Variants in RAB27A observed in about 807,000 individuals in gnomAD.
The protein encoded by RAB27A is RAB27A, member RAS oncogene family, also known as ras-related protein Rab-27A.
RAB27A carries 17 observed loss-of-function variants against 20.8 expected under a neutral mutation model. That is an observed-to-expected ratio of 0.82 (90% CI 0.56 to 1.23). The LOEUF (loss-of-function observed/expected upper bound fraction) is 1.23, where lower values mean the gene tolerates loss of function less well. Among genes scored for constraint, RAB27A ranks in the 50% most tolerant of loss-of-function variants. The pLI is 0.00. For synonymous variants in RAB27A, 85 were observed against 92.8 expected (o/e 0.92, Z 0.48); for missense variants, 277 against 266.7 (o/e 1.04, Z -0.27).
chr15:55,267,714 G>A (rs1897551549), intron 2 of RAB27A, among the ~76,000 whole-genome samples: 1 of 152,196 alleles, frequency 6.6e-6, no homozygotes, highest in Non-Finnish European at 1.5e-5. Flanking sequence ...AAGATGAGCA[G>A]ATATCTCAAG....
At chr15:55,207,990 C>T (rs904818110) in intron 6 of RAB27A, among the ~76,000 whole-genome samples, 21 of 152,192 alleles carry the variant, frequency 1.4e-4, no homozygotes, top group African/African-American at 5.1e-4. Flanking sequence ...ACTTAAATAG[C>T]TACATGTGAC....
intron 2 of RAB27A, among the ~76,000 whole-genome samples, chr15:55,310,368 G>T (rs911960909): frequency 3.3e-5 from 5 of 152,288 alleles, no homozygotes; most frequent in Middle Eastern, 3.4e-3. Flanking sequence ...GCATGGGCTG[G>T]CACTTGCCCC....
chr15:55,216,317 G>A (rs1895301385), intron 6 of RAB27A, among the ~76,000 whole-genome samples: 1 of 152,132 alleles, frequency 6.6e-6, no homozygotes, highest in Admixed American at 6.5e-5. Context: ...GGTCGGAGTT[G>A]AGGTCAGGAG....
At chr15:55,215,624 C>T in intron 6 of RAB27A, among the ~76,000 whole-genome samples, 1 of 121,736 alleles carries the variant, frequency 8.2e-6, no homozygotes, top group African/African-American at 3.4e-5. Flanking sequence ...TGCACTCCAG[C>T]CTGGGCGACA....
intron 6 of RAB27A, among the ~76,000 whole-genome samples, chr15:55,219,994 C>T (rs1283752158): frequency 6.6e-6 from 1 of 152,060 alleles, no homozygotes; most frequent in Admixed American, 6.5e-5. Flanking sequence ...TAGCGGTAGA[C>T]TCTTAGGCCA....
chr15:55,273,813 C>T (rs1897774679), intron 1 of RAB27A, among the ~76,000 whole-genome samples: 1 of 152,108 alleles, frequency 6.6e-6, no homozygotes, highest in Non-Finnish European at 1.5e-5. Context: ...GATTTGAATA[C>T]CCTGTTTTCA....
In RAB27A at chr15:55,272,643, C is replaced by T. The variant is rs142094759; in HGVS notation, c.-142-2359G>A. ...CTTTCAGACTTCAGAATAAAGATGG[C>T]ATGCTCAACATGTACATGTGGTTCT... On this transcript the variant is annotated intron_variant, in intron 1 of 6. Transcript: ENST00000336787. Among the ~76,000 whole-genome samples the T allele has an allele frequency of 1.1e-3, 163 of 152,320 alleles. 2 individuals carry two copies. The highest frequency in any genetic ancestry group is 3.8e-3 in the African/African-American group (156 of 41,560).
intron 1 of RAB27A, among the ~76,000 whole-genome samples, chr15:55,318,414 AGAG>A (rs1948686613): frequency 6.9e-6 from 1 of 144,598 alleles, no homozygotes; most frequent in South Asian, 2.4e-4. Flanking sequence ...ACTTTTAACA[AGAG>A]GAGTGGGCCG....
intron 2 of RAB27A, among the ~76,000 whole-genome samples, chr15:55,236,217 C>T (rs1280664863): frequency 1.3e-5 from 2 of 152,118 alleles, no homozygotes; most frequent in Non-Finnish European, 2.9e-5. Flanking sequence ...TGCCTTTTCT[C>T]TCTTTTTACA....
At chr15:55,237,755 T>A (rs191560778) in intron 2 of RAB27A, among the ~76,000 whole-genome samples, 24 of 152,258 alleles carry the variant, frequency 1.6e-4, no homozygotes, top group Middle Eastern at 6.8e-3. Context: ...GATCCTGCAG[T>A]GAGAATGATG....
intron 1 of RAB27A, among the ~76,000 whole-genome samples, chr15:55,275,178 G>A (rs918881881): frequency 2.0e-5 from 3 of 151,814 alleles, no homozygotes; most frequent in Non-Finnish European, 2.9e-5. Context: ...CTTGAACCCA[G>A]GAGGCAGAGG....
intron 6 of RAB27A, among the ~76,000 whole-genome samples, chr15:55,214,402 C>G (rs1286634745): frequency 1.3e-5 from 2 of 152,218 alleles, no homozygotes; most frequent in Non-Finnish European, 2.9e-5. Flanking sequence ...CGCCACTGCA[C>G]TCCAGCCTGG....
chr15:55,243,617 ACT>A, intron 2 of RAB27A, among the ~76,000 whole-genome samples: 1 of 149,920 alleles, frequency 6.7e-6, no homozygotes, highest in East Asian at 2.0e-4. Flanking sequence ...ACACAGCGAG[ACT>A]CTATCTCAAA....
At chr15:55,208,430 T>G (rs1053174644) in intron 6 of RAB27A, among the ~76,000 whole-genome samples, 4 of 151,940 alleles carry the variant, frequency 2.6e-5, no homozygotes, top group Admixed American at 2.6e-4. Flanking sequence ...AACTAGAGAG[T>G]TTCCAGTGTT....
intron 6 of RAB27A, among the ~76,000 whole-genome samples, chr15:55,210,130 AG>A (rs1470938506): frequency 5.6e-5 from 7 of 125,736 alleles, no homozygotes; most frequent in African/African-American, 2.5e-4. Context: ...ATGTATATAT[AG>A]TGTATATATG....
chr15:55,258,513 T>C (rs893923061), intron 2 of RAB27A, among the ~76,000 whole-genome samples: 2 of 152,194 alleles, frequency 1.3e-5, no homozygotes, highest in Admixed American at 1.3e-4. Context: ...ACCAATTCAG[T>C]GCACACCAGG....
intron 3 of RAB27A, among the ~76,000 whole-genome samples, chr15:55,233,003 T>A (rs1896095639): frequency 6.6e-6 from 1 of 152,108 alleles, no homozygotes; most frequent in Admixed American, 6.6e-5. Context: ...CGGGTGCCTG[T>A]AATCCTAGCT....
At chr15:55,231,606 C>T (rs1319054651) in intron 3 of RAB27A, among the ~76,000 whole-genome samples, 3 of 152,142 alleles carry the variant, frequency 2.0e-5, no homozygotes, top group Non-Finnish European at 4.4e-5. Flanking sequence ...TTTTAGAAGA[C>T]TTAAAAACCA....
At chr15:55,313,748 C>T (rs560455541) in intron 2 of RAB27A, among the ~76,000 whole-genome samples, 7 of 152,034 alleles carry the variant, frequency 4.6e-5, no homozygotes, top group South Asian at 4.2e-4. Flanking sequence ...CCGAGGCGGG[C>T]GGATCACGAG....
Sources: gnomAD v4.1 joint callset for allele counts (sites outside exome capture counted in the v4.1 genomes callset) on GRCh38, gnomAD v4.1.1 for gene constraint, MANE v1.5 for transcripts, NCBI Gene and HGNC (gene_info 2026-07-23, HGNC 2026-07-21) for gene names.